Variants in MAP3K2 observed in about 807,000 individuals in gnomAD.
MAP3K2 encodes MAP/ERK kinase kinase 2.
A neutral mutation model predicts 80.3 loss-of-function variants in MAP3K2; 24 were observed. That is an observed-to-expected ratio of 0.30 (90% CI 0.22 to 0.42). MAP3K2 has a LOEUF of 0.42. MAP3K2 is among the 10% of genes least tolerant of loss of function. The probability of loss-of-function intolerance (pLI) is 1.00; values close to 1 mark genes in which losing one functional copy is unlikely to be tolerated. For missense variants in MAP3K2, 608 were observed against 750.1 expected, an observed-to-expected ratio of 0.81 and a Z score of 2.21; for synonymous variants, 244 against 253.7, an observed-to-expected ratio of 0.96 and a Z score of 0.36.
At chr2:127,376,703 T>C (rs1226155297) in intron 1 of MAP3K2, among the ~76,000 whole-genome samples, 2 of 152,156 alleles carry the variant, frequency 1.3e-5, no homozygotes, top group East Asian at 3.9e-4. Flanking sequence ...CCTTCTGTTG[T>C]TTTAAGCCAC....
intron 13 of MAP3K2, 121 bp downstream of exon 13, chr2:127,318,048 C>CA: frequency 1.7e-6 from 1 of 578,324 alleles, no homozygotes. Flanking sequence ...AAGAAAACTG[C>CA]TTTTTTTTTT....
chr2:127,316,819 A>C (rs1280535520), intron 14 of MAP3K2: 1 of 152,214 alleles, frequency 6.6e-6, no homozygotes, highest in Non-Finnish European at 1.5e-5. Flanking sequence ...TAGACCTCAG[A>C]TCTAACTTGG....
At chr2:127,357,443 GCGCCACTGTA>G (rs1686815788) in intron 1 of MAP3K2, among the ~76,000 whole-genome samples, 1 of 152,150 alleles carries the variant, frequency 6.6e-6, no homozygotes, top group Non-Finnish European at 1.5e-5. Flanking sequence ...AGCAATGATT[GCGCCACTGTA>G]CTCCAGCCTG....
intron 2 of MAP3K2, 123 bp downstream of exon 2, chr2:127,343,003 A>T (rs1686527292): frequency 3.0e-6 from 2 of 677,924 alleles, no homozygotes; most frequent in African/African-American, 3.6e-5. Flanking sequence ...AACATTTCAT[A>T]AATCTGCTAT....
At chr2:127,325,644 C>T (rs758727122) in intron 9 of MAP3K2, 84 bp downstream of exon 9, 21 of 1,062,988 alleles carry the variant, frequency 2.0e-5, no homozygotes, top group African/African-American at 7.9e-5. Flanking sequence ...GCCGCATTCA[C>T]GCCACTGCGC....
chr2:127,323,351 ACT>A (rs1257396159), intron 11 of MAP3K2, among the ~76,000 whole-genome samples: 1 of 147,192 alleles, frequency 6.8e-6, no homozygotes, highest in Non-Finnish European at 1.5e-5. Flanking sequence ...ACAGAGTGAG[ACT>A]CTGTCTCAGG....
At position 127,307,626 on chromosome 2, in the gene MAP3K2, G is replaced by A; in HGVS notation, c.1813C>T (p.Pro605Ser). 6.3e-7 allele frequency: 1 copy of A among 1,584,860 alleles called. No individual in the cohort carries two copies. The highest frequency in any genetic ancestry group is 2.3e-5 in the East Asian group (1 of 43,804). ...TGCCTTAAGAGTTCATCAGCTGAAG[G>A]TCTCAGTTTGGCCTCTACAAAAATC... ...KRIFVEAKLRPSADELLRHMF... is the reference protein window; with the variant it reads ...KRIFVEAKLRSSADELLRHMF... The change falls in exon 17 of 17, where the codon CCT (proline) becomes TCT (serine). Residue 605 changes from proline (P) to serine (S), a missense_variant. Pro to Ser is a moderately conservative substitution (Grantham distance 74, BLOSUM62 -1). Coordinates refer to ENST00000682094, the MANE Select transcript of MAP3K2 (RefSeq NM_001371910.2). The surrounding 1 kb of genome is among the most constrained non-coding windows in gnomAD (Gnocchi z 5.4).
At chr2:127,354,666 T>A (rs1312512903) in intron 1 of MAP3K2, among the ~76,000 whole-genome samples, 4 of 151,966 alleles carry the variant, frequency 2.6e-5, no homozygotes, top group Non-Finnish European at 5.9e-5. Context: ...CATACAAGAA[T>A]GCAAAAATGT....
At chr2:127,353,216 G>A (rs1183297811) in intron 1 of MAP3K2, among the ~76,000 whole-genome samples, 1 of 151,312 alleles carries the variant, frequency 6.6e-6, no homozygotes, top group African/African-American at 2.4e-5. Context: ...AAAGTGAGGA[G>A]CGTCTCTGTC....
rs2104821682 is a variant in MAP3K2 at position 127,322,249 on chromosome 2, C to T, written c.842G>A (p.Arg281His). Residue 281 changes from arginine (R) to histidine (H), a missense_variant, in exon 12 of 17, where the codon CGT (arginine) becomes CAT (histidine). Physicochemically the swap from Arg to His is conservative, Grantham distance 29. Around this residue, in one of 4 missense-constraint regions of MAP3K2, gnomAD observed 467 missense variants for 521.9 expected, o/e 0.89. Transcript: ENST00000682094. This position sits in a 1 kb window ranked among gnomAD's most constrained non-coding sequence, Gnocchi z 4.2. ...CCTTCTAGCTCTTGGAAAAGTTTTA[C>T]GACCTAAAAAATGAAAAGAGAATGA... ...SYHHQEYNDG[R>H]KTFPRARRTQ... 3 of 1,607,630 alleles carry T rather than the reference C, an allele frequency of 1.9e-6. No individual in the cohort carries two copies. The highest frequency in any genetic ancestry group is 1.1e-5 in the South Asian group (1 of 90,908).
rs182267800 is a variant in MAP3K2, at chr2:127,308,472, C to T, written c.1634+113G>A. The T allele has an allele frequency of 1.2e-4, 112 of 902,850 alleles. No homozygotes were observed. The African/African-American group carries it at 1.5e-3, about 12-fold the overall frequency. The allele number at this position is 902,850 out of a possible 1,614,324, so 55.9% of individuals were successfully genotyped here. A position where few individuals can be genotyped will look rare whatever the true frequency, so the allele number is the denominator to read the frequency against. On this transcript the variant is annotated intron_variant, in intron 16 of 16. Coordinates refer to ENST00000682094, the MANE Select transcript of MAP3K2 (RefSeq NM_001371910.2). Reference sequence around the variant, plus strand: ...ATAGTGTTAATCTTCGCAATTCTTACGTCCTATTTTGGAAGTACAAAAGAT... The same window carrying T: ...ATAGTGTTAATCTTCGCAATTCTTATGTCCTATTTTGGAAGTACAAAAGAT...
intron 7 of MAP3K2, 116 bp downstream of exon 7, chr2:127,329,805 A>T: frequency 1.6e-6 from 1 of 633,534 alleles, no homozygotes; most frequent in Non-Finnish European, 2.7e-6. Flanking sequence ...AAATTATAGG[A>T]AGTAGAGAAA....
chr2:127,353,397 G>C (rs1686735545), intron 1 of MAP3K2, among the ~76,000 whole-genome samples: 1 of 151,370 alleles, frequency 6.6e-6, no homozygotes, highest in South Asian at 2.1e-4. Flanking sequence ...CGCCCCATCT[G>C]AGAAGTGAGG....
chr2:127,307,352 TA>T lies in MAP3K2; in HGVS notation c.*226del, dbSNP rs76344573. 1,003 of 265,872 alleles carry T rather than the reference TA, an allele frequency of 3.8e-3. No homozygotes were observed. Among genetic ancestry groups the T allele is most frequent in the East Asian group, 5.9e-3 (88 of 15,002 alleles). The allele number at this position is 265,872 out of a possible 1,614,324, so 16.5% of individuals were successfully genotyped here. On this transcript the variant is annotated 3_prime_UTR_variant, in exon 17 of 17. Transcript: ENST00000682094. This position sits in a 1 kb window ranked among gnomAD's most constrained non-coding sequence, Gnocchi z 5.4. ...AACCACATCAGTACATTATAAAAAT[TA>T]AAAAAAAAAACTTCAAGTTCTTGTA...
chr2:127,366,121 AAAAAAGTCG>A (rs1262450081), intron 1 of MAP3K2, among the ~76,000 whole-genome samples: 1 of 152,176 alleles, frequency 6.6e-6, no homozygotes, highest in Admixed American at 6.5e-5. Context: ...CCCTCATTCC[AAAAAAGTCG>A]TATCTCACTA....
At chr2:127,340,579 C>T (rs527307756) in intron 2 of MAP3K2, among the ~76,000 whole-genome samples, 10 of 151,962 alleles carry the variant, frequency 6.6e-5, no homozygotes, top group Non-Finnish European at 1.2e-4. Flanking sequence ...ATCTCTTGAA[C>T]CCAGGAGGCA....
At chr2:127,327,168 T>C (rs545175616) in intron 7 of MAP3K2, among the ~76,000 whole-genome samples, 16 of 152,330 alleles carry the variant, frequency 1.1e-4, no homozygotes, top group Admixed American at 3.9e-4. Flanking sequence ...TCTATTTTAC[T>C]TGGTTCTGTG....
intron 1 of MAP3K2, among the ~76,000 whole-genome samples, chr2:127,371,246 T>A (rs1382247484): frequency 6.6e-6 from 1 of 151,946 alleles, no homozygotes; most frequent in East Asian, 1.9e-4. Context: ...ATACGATGAG[T>A]TGTGCGAACA....
intron 1 of MAP3K2, among the ~76,000 whole-genome samples, chr2:127,376,098 G>A (rs1055757189): frequency 6.6e-6 from 1 of 152,112 alleles, no homozygotes; most frequent in Non-Finnish European, 1.5e-5. Flanking sequence ...CAGGGTGATG[G>A]GAAAAACTGT....
Sources: allele counts gnomAD v4.1 joint callset (sites outside exome capture counted in the v4.1 genomes callset), GRCh38; gene constraint gnomAD v4.1.1; regional missense constraint gnomAD v4.1.1; non-coding constraint Gnocchi (gnomAD v3.1); transcripts MANE v1.5; gene names NCBI Gene and HGNC (gene_info 2026-07-23, HGNC 2026-07-21).